CDH12: variants seen among roughly 807,000 people sequenced by gnomAD.
CDH12 encodes the protein cadherin-12.
Under a neutral mutation model 74.1 loss-of-function variants are expected in CDH12, and 41 were observed. That is an observed-to-expected ratio of 0.55 (90% CI 0.43 to 0.72). CDH12 has a LOEUF of 0.72. CDH12 is among the 30% of genes least tolerant of loss of function. The probability of loss-of-function intolerance (pLI) is 0.00; values close to 1 mark genes in which losing one functional copy is unlikely to be tolerated. For missense variants in CDH12, 945 were observed against 977.2 expected, an observed-to-expected ratio of 0.97 and a Z score of 0.44; for synonymous variants, 399 against 355.0, an observed-to-expected ratio of 1.12 and a Z score of -1.39.
At chr5:22,654,956 G>C (rs1739958994) in intron 1 of CDH12, among the ~76,000 whole-genome samples, 1 of 152,006 alleles carries the variant, frequency 6.6e-6, no homozygotes, top group Non-Finnish European at 1.5e-5. Context: ...ATTTCTATCT[G>C]ATACCTCTCA....
intron 2 of CDH12, among the ~76,000 whole-genome samples, chr5:22,409,643 CTATAT>C (rs1192471044): frequency 6.6e-6 from 1 of 152,086 alleles, no homozygotes; most frequent in African/African-American, 2.4e-5. Context: ...TAAGTTTCTT[CTATAT>C]TATAATTGAG....
chr5:22,467,124 A>T (rs1192954009), intron 2 of CDH12, among the ~76,000 whole-genome samples: 3 of 152,102 alleles, frequency 2.0e-5, no homozygotes, highest in Non-Finnish European at 4.4e-5. Context: ...CAGGCTCAGG[A>T]GAGTTCTGTG....
rs199771103 is a variant in CDH12 at position 21,880,625 on chromosome 5, T to C, written c.527-25835A>G. 1.9e-3 allele frequency among the ~76,000 whole-genome samples: 117 copies of C among 60,556 alleles called. 2 individuals carry two copies. The highest frequency in any genetic ancestry group is 9.8e-3 in the South Asian group (15 of 1,526). 39.7% of individuals were successfully genotyped at this position (60,556 alleles called of 152,430 possible). On this transcript the variant is annotated intron_variant, in intron 6 of 14. Transcript: ENST00000382254. ...CTTCCTTCCTTCCTTCCTTCTTTCT[T>C]TCTTTCTTTCTTTCTTTCTTTCTTT... is the stretch of plus-strand genomic sequence containing the variant.
intron 4 of CDH12, among the ~76,000 whole-genome samples, chr5:22,160,393 T>C (rs1469114782): frequency 6.6e-6 from 1 of 152,164 alleles, no homozygotes; most frequent in Non-Finnish European, 1.5e-5. Context: ...CCCTTGGTTC[T>C]CCTAGACTTT....
intron 1 of CDH12, among the ~76,000 whole-genome samples, chr5:22,724,881 AT>A (rs1165252231): frequency 6.6e-6 from 1 of 151,822 alleles, no homozygotes; most frequent in Non-Finnish European, 1.5e-5. Context: ...AATTTAAAAA[AT>A]TTCTATATAA....
At chr5:21,766,461 C>T (rs541749967) in intron 11 of CDH12, among the ~76,000 whole-genome samples, 48 of 151,914 alleles carry the variant, frequency 3.2e-4, no homozygotes, top group African/African-American at 9.4e-4. Flanking sequence ...CTGTTTGGCC[C>T]GGTTTTCACA....
intron 11 of CDH12, among the ~76,000 whole-genome samples, chr5:21,778,412 C>T (rs1275843850): frequency 7.4e-6 from 1 of 134,266 alleles, no homozygotes; most frequent in African/African-American, 2.8e-5. Context: ...TAGGTACTCA[C>T]TTCTCATATG....
intron 1 of CDH12, among the ~76,000 whole-genome samples, chr5:22,816,076 A>T (rs577183836): frequency 6.6e-6 from 1 of 152,330 alleles, no homozygotes; most frequent in South Asian, 2.1e-4. Flanking sequence ...TACCAGAACC[A>T]GAATTTGTAT....
chr5:22,771,880 A>G (rs1278597042), intron 1 of CDH12, among the ~76,000 whole-genome samples: 1 of 152,092 alleles, frequency 6.6e-6, no homozygotes, highest in Non-Finnish European at 1.5e-5. Context: ...CAATTAGGTT[A>G]GTTCATTCCC....
chr5:22,295,980 C>T (rs988578210), intron 3 of CDH12, among the ~76,000 whole-genome samples: 1 of 151,896 alleles, frequency 6.6e-6, no homozygotes, highest in Non-Finnish European at 1.5e-5. Context: ...AATTTTATTA[C>T]TTTAAAATAT....
At chr5:22,435,877 G>C (rs1744365554) in intron 2 of CDH12, among the ~76,000 whole-genome samples, 1 of 151,908 alleles carries the variant, frequency 6.6e-6, no homozygotes, top group South Asian at 2.1e-4. Flanking sequence ...AGACAGTTTT[G>C]ACTCCCTATG....
Position 22,526,370 on chromosome 5 carries a change from CA to C in CDH12, c.-522-21007del, listed in dbSNP as rs1340039774. Among the ~76,000 whole-genome samples the C allele has an allele frequency of 7.2e-5, 11 of 152,266 alleles. No individual in the cohort carries two copies. The East Asian group carries it at 2.1e-3, about 29-fold the overall frequency. On this transcript the variant is annotated intron_variant, in intron 1 of 14. Coordinates refer to ENST00000382254, the MANE Select transcript of CDH12 (RefSeq NM_004061.5). ...AAGGGAAAGGTGATCAATATTTCTG[CA>C]TATTAAATTATGACATAGACCCGGA...
intron 2 of CDH12, among the ~76,000 whole-genome samples, chr5:22,410,385 T>C (rs1743125508): frequency 6.6e-6 from 1 of 152,128 alleles, no homozygotes; most frequent in African/African-American, 2.4e-5. Flanking sequence ...GTCATAAGAC[T>C]TCCATTCCAG....
intron 9 of CDH12, among the ~76,000 whole-genome samples, chr5:21,814,306 A>G (rs1183520815): frequency 1.3e-5 from 2 of 152,136 alleles, no homozygotes; most frequent in East Asian, 3.8e-4. Flanking sequence ...AATTCTAAAT[A>G]AACACAATAA....
At chr5:21,760,532 G>A (rs750300677) in intron 13 of CDH12, 26 bp downstream of exon 13, 2 of 1,118,270 alleles carry the variant, frequency 1.8e-6, no homozygotes, top group African/African-American at 3.1e-5. Flanking sequence ...ATGATAAGAG[G>A]TAAATTTTTC....
chr5:21,968,524 G>T (rs1348767092), intron 6 of CDH12, among the ~76,000 whole-genome samples: 1 of 152,182 alleles, frequency 6.6e-6, no homozygotes, highest in Non-Finnish European at 1.5e-5. Context: ...AGAGCCTAGA[G>T]GTCAGAGATG....
intron 3 of CDH12, among the ~76,000 whole-genome samples, chr5:22,267,137 T>C (rs1220564728): frequency 6.6e-6 from 1 of 152,190 alleles, no homozygotes; most frequent in Non-Finnish European, 1.5e-5. Flanking sequence ...GCTTTACAGT[T>C]ATCTTAGGGC....
At chr5:22,058,753 TGGAA>T (rs202139986) in intron 5 of CDH12, among the ~76,000 whole-genome samples, 3,247 of 91,322 alleles carry the variant, frequency 0.036, 47 homozygotes, top group Non-Finnish European at 0.044. Context: ...GGAAGGAAAG[TGGAA>T]GGAAGGAAGG....
intron 5 of CDH12, among the ~76,000 whole-genome samples, chr5:22,071,324 C>T (rs1249988778): frequency 3.9e-5 from 6 of 151,986 alleles, no homozygotes; most frequent in African/African-American, 1.4e-4. Flanking sequence ...TTCATTTATG[C>T]TTTTGAAATA....
Sources: allele counts gnomAD v4.1 joint callset (sites outside exome capture counted in the v4.1 genomes callset), GRCh38; gene constraint gnomAD v4.1.1; transcripts MANE v1.5; gene names NCBI Gene and HGNC (gene_info 2026-07-23, HGNC 2026-07-21).